PRDM1: variants seen among roughly 807,000 people sequenced by gnomAD.
PRDM1 encodes PR/SET domain 1.
PRDM1 carries 13 observed loss-of-function variants against 62.8 expected under a neutral mutation model. The observed-to-expected ratio is 0.21, with a 90% confidence interval of 0.13 to 0.33. The LOEUF (loss-of-function observed/expected upper bound fraction) is 0.33. PRDM1 is among the 10% of genes least tolerant of loss of function. The pLI is 1.00. For synonymous variants in PRDM1, 396 were observed against 417.6 expected (o/e 0.95, Z 0.63); for missense variants, 895 against 1,058.8 (o/e 0.85, Z 2.15).
intron 1 of PRDM1, among the ~76,000 whole-genome samples, chr6:106,032,459 G>C (rs878861923): frequency 6.6e-6 from 1 of 151,716 alleles, no homozygotes; most frequent in Admixed American, 6.6e-5. Context: ...TTTTGTTGGA[G>C]ACAAGAGTCT....
intron 1 of PRDM1, among the ~76,000 whole-genome samples, chr6:106,041,580 G>C (rs902434883): frequency 6.6e-6 from 1 of 152,158 alleles, no homozygotes; most frequent in Non-Finnish European, 1.5e-5. Context: ...AATAGCATGA[G>C]ATAGTTTCTT....
chr6:105,999,048 C>T (rs1259531672), intron 1 of PRDM1, among the ~76,000 whole-genome samples: 2 of 151,422 alleles, frequency 1.3e-5, no homozygotes, highest in Non-Finnish European at 2.9e-5. Context: ...AGCAATCCTC[C>T]CACCTCAGCC....
At chr6:106,079,883 G>A (rs1582454215) in intron 1 of PRDM1, among the ~76,000 whole-genome samples, 1 of 152,352 alleles carries the variant, frequency 6.6e-6, no homozygotes, top group Middle Eastern at 3.4e-3. Flanking sequence ...TAAAAGGACA[G>A]GTTATTAACC....
chr6:106,026,964 A>G (rs1484950433), intron 1 of PRDM1, among the ~76,000 whole-genome samples: 20 of 152,192 alleles, frequency 1.3e-4, no homozygotes, highest in Non-Finnish European at 5.9e-5. Flanking sequence ...TTTTTACCAA[A>G]GACGTGTCAG....
chr6:106,079,729 T>C (rs935786614), intron 1 of PRDM1, among the ~76,000 whole-genome samples: 9 of 151,944 alleles, frequency 5.9e-5, no homozygotes, highest in Admixed American at 2.6e-4. Flanking sequence ...AGCCAGGAGG[T>C]GAAGGTTGCA....
chr6:106,052,892 G>C (rs1436072101), intron 1 of PRDM1, among the ~76,000 whole-genome samples: 1 of 151,864 alleles, frequency 6.6e-6, no homozygotes, highest in Non-Finnish European at 1.5e-5. Context: ...CATTGAACTG[G>C]GAAGACTGAG....
chr6:106,054,341 T>C (rs1359855639), intron 1 of PRDM1, among the ~76,000 whole-genome samples: 1 of 151,768 alleles, frequency 6.6e-6, no homozygotes, highest in African/African-American at 2.4e-5. Flanking sequence ...CTTTTGTGTG[T>C]ATACCTGGTG....
intron 1 of PRDM1, among the ~76,000 whole-genome samples, chr6:106,072,829 G>A (rs1308266743): frequency 6.6e-6 from 1 of 152,196 alleles, no homozygotes; most frequent in African/African-American, 2.4e-5. Flanking sequence ...GCTTCCAGGG[G>A]TGCTTTGAAG....
chr6:106,018,042 G>A (rs112478440), intron 1 of PRDM1, among the ~76,000 whole-genome samples: 1 of 152,064 alleles, frequency 6.6e-6, no homozygotes. Context: ...GATTGCTCAG[G>A]AGCTTTATAT....
At chr6:106,035,148 A>G (rs887306513) in intron 1 of PRDM1, among the ~76,000 whole-genome samples, 27 of 152,288 alleles carry the variant, frequency 1.8e-4, no homozygotes, top group African/African-American at 4.6e-4. Flanking sequence ...GCAATCTCCA[A>G]CTATTATTGT....
intron 1 of PRDM1, 163 bp from the exon 2 acceptor site, chr6:106,088,038 A>T: frequency 4.1e-6 from 2 of 486,094 alleles, no homozygotes; most frequent in Admixed American, 5.2e-5. Flanking sequence ...CTTCTTTTCA[A>T]GGCAGTTTAC....
intron 1 of PRDM1, among the ~76,000 whole-genome samples, chr6:106,067,187 C>T (rs528909009): frequency 1.3e-5 from 2 of 152,112 alleles, no homozygotes; most frequent in East Asian, 1.9e-4. Flanking sequence ...GACATTTAAC[C>T]GATTCCACAT....
chr6:106,059,302 G>A (rs1773311038), intron 1 of PRDM1, among the ~76,000 whole-genome samples: 1 of 152,204 alleles, frequency 6.6e-6, no homozygotes, highest in African/African-American at 2.4e-5. Flanking sequence ...GACCAAAAAA[G>A]ACTCTCTGAG....
chr6:106,070,358 C>T (rs1454827064), intron 1 of PRDM1, among the ~76,000 whole-genome samples: 1 of 152,158 alleles, frequency 6.6e-6, no homozygotes, highest in African/African-American at 2.4e-5. Context: ...AATCCAGGGA[C>T]TTACCTCAAG....
At chr6:106,022,733 T>G (rs941003300) in intron 1 of PRDM1, among the ~76,000 whole-genome samples, 1 of 152,108 alleles carries the variant, frequency 6.6e-6, no homozygotes, top group Non-Finnish European at 1.5e-5. Context: ...CTTTTTAATT[T>G]TTTAAAGAGA....
At chr6:106,022,913 T>A (rs978611596) in intron 1 of PRDM1, among the ~76,000 whole-genome samples, 1 of 152,194 alleles carries the variant, frequency 6.6e-6, no homozygotes, top group African/African-American at 2.4e-5. Context: ...GTCGTCACCA[T>A]GAATACTAAT....
At chr6:106,095,800 T>G in intron 3 of PRDM1, 66 bp downstream of exon 3, 1 of 1,559,882 alleles carries the variant, frequency 6.4e-7, no homozygotes, top group South Asian at 1.1e-5. Context: ...AAGAGCTGGG[T>G]GGCTCACCTT....
chr6:106,014,991 C>G (rs1183014763), intron 1 of PRDM1, among the ~76,000 whole-genome samples: 1 of 152,116 alleles, frequency 6.6e-6, no homozygotes, highest in East Asian at 1.9e-4. Context: ...CCCTGGGATG[C>G]CCGGTGAATT....
intron 1 of PRDM1, among the ~76,000 whole-genome samples, chr6:106,029,287 G>T (rs1293948084): frequency 1.6e-4 from 25 of 152,256 alleles, no homozygotes; most frequent in Admixed American, 1.6e-3. Context: ...TTCATTAAGA[G>T]TTAATTTATA....
Sources: allele counts gnomAD v4.1 joint callset (sites outside exome capture counted in the v4.1 genomes callset), GRCh38; gene constraint gnomAD v4.1.1; transcripts MANE v1.5; gene names NCBI Gene and HGNC (gene_info 2026-07-23, HGNC 2026-07-21).